The following SORCS2 variants were observed in gnomAD, a reference collection of about 807,000 sequenced individuals.
SORCS2 encodes sortilin related VPS10 domain containing receptor 2.
In SORCS2, 100 loss-of-function variants were observed where a neutral mutation model predicts 141.6. The ratio of observed to expected loss-of-function variants is 0.71; its 90% CI spans 0.60 to 0.83. SORCS2 has a LOEUF of 0.83. SORCS2 is among the 40% of genes least tolerant of loss of function. The probability of loss-of-function intolerance (pLI) is 0.00; values close to 1 mark genes in which losing one functional copy is unlikely to be tolerated. For synonymous variants in SORCS2, 789 were observed against 676.9 expected, an observed-to-expected ratio of 1.17 and a Z score of -2.57; for missense variants, 1,646 against 1,560.2, an observed-to-expected ratio of 1.05 and a Z score of -0.93.
At position 7,708,151 on chromosome 4, in the gene SORCS2, G is replaced by A. The variant is rs59501765; in HGVS notation, c.1868+3867G>A. 5.8e-3 allele frequency among the ~76,000 whole-genome samples: 884 copies of A among 152,308 alleles called. 7 individuals carry two copies. Among genetic ancestry groups the A allele is most frequent in the African/African-American group, 0.02 (841 of 41,578 alleles). On this transcript the variant is annotated intron_variant, in intron 14 of 26. Coordinates refer to ENST00000507866, the MANE Select transcript of SORCS2 (RefSeq NM_020777.3). ...AGCATGGGGACTTAAACTCCACGAG[G>A]TCGCCGCAAATGAGCCCTCAACTGA...
At chr4:7,346,093 A>C (rs1282129118) in intron 1 of SORCS2, among the ~76,000 whole-genome samples, 1 of 151,994 alleles carries the variant, frequency 6.6e-6, no homozygotes, top group African/African-American at 2.4e-5. Flanking sequence ...CCTTTCTTCT[A>C]CTTACTCCAG....
At chr4:7,339,774 G>A (rs1302257646) in intron 1 of SORCS2, among the ~76,000 whole-genome samples, 2 of 152,214 alleles carry the variant, frequency 1.3e-5, no homozygotes, top group Non-Finnish European at 2.9e-5. Context: ...ATAAGAGGGA[G>A]AAAGCGAAGA....
intron 1 of SORCS2, among the ~76,000 whole-genome samples, chr4:7,304,124 G>T (rs542389875): frequency 1.3e-5 from 2 of 152,362 alleles, no homozygotes; most frequent in Non-Finnish European, 2.9e-5. Flanking sequence ...GGCATGTGTG[G>T]TCCCCACGCT....
At chr4:7,655,047 C>T (rs566497419) in intron 5 of SORCS2, among the ~76,000 whole-genome samples, 6 of 152,326 alleles carry the variant, frequency 3.9e-5, no homozygotes, top group East Asian at 3.9e-4. Context: ...GGGTCTTAGG[C>T]AGCAGCATGG....
At chr4:7,500,787 A>G (rs540478265) in intron 2 of SORCS2, among the ~76,000 whole-genome samples, 6 of 152,282 alleles carry the variant, frequency 3.9e-5, no homozygotes, top group African/African-American at 1.4e-4. Flanking sequence ...GAGGGCGGTA[A>G]CGAGTGGGAG....
intron 1 of SORCS2, among the ~76,000 whole-genome samples, chr4:7,239,976 G>A (rs1000941763): frequency 1.3e-5 from 2 of 152,204 alleles, no homozygotes; most frequent in Non-Finnish European, 2.9e-5. Context: ...GTGTCTCGTG[G>A]TGGCTTCTTG....
At chr4:7,416,118 A>G (rs1360815582) in intron 2 of SORCS2, among the ~76,000 whole-genome samples, 1 of 152,132 alleles carries the variant, frequency 6.6e-6, no homozygotes. Context: ...TGGATTAAGG[A>G]GGCCTCATGT....
chr4:7,574,259 G>A (rs1025010645), intron 3 of SORCS2, among the ~76,000 whole-genome samples: 24 of 152,218 alleles, frequency 1.6e-4, no homozygotes, highest in African/African-American at 2.4e-5. Context: ...CGAGGGTGTG[G>A]TCCCTTCTCC....
At chr4:7,556,712 C>T (rs1475939917) in intron 3 of SORCS2, among the ~76,000 whole-genome samples, 1 of 151,494 alleles carries the variant, frequency 6.6e-6, no homozygotes, top group Non-Finnish European at 1.5e-5. Flanking sequence ...ACCCATCCAC[C>T]ATTCATCCAC....
intron 3 of SORCS2, among the ~76,000 whole-genome samples, chr4:7,594,646 A>C (rs1717140427): frequency 6.6e-6 from 1 of 151,884 alleles, no homozygotes; most frequent in African/African-American, 2.4e-5. Flanking sequence ...GAAGCCCCTA[A>C]TTTACAGTGT....
At chr4:7,574,631 AGAAGGGAG>A (rs1158482923) in intron 3 of SORCS2, among the ~76,000 whole-genome samples, 1 of 151,362 alleles carries the variant, frequency 6.6e-6, no homozygotes, top group Non-Finnish European at 1.5e-5. Flanking sequence ...AAGGAAGGAG[AGAAGGGAG>A]GAAGGGAGGG....
intron 1 of SORCS2, among the ~76,000 whole-genome samples, chr4:7,288,037 G>A (rs1157161776): frequency 2.0e-5 from 3 of 152,206 alleles, no homozygotes; most frequent in Non-Finnish European, 2.9e-5. Context: ...GGCAGGAGGC[G>A]TCCTGAAAGC....
chr4:7,272,256 C>T (rs192693515), intron 1 of SORCS2, among the ~76,000 whole-genome samples: 50 of 152,298 alleles, frequency 3.3e-4, no homozygotes, highest in African/African-American at 1.2e-3. Flanking sequence ...AAAGAGGCGC[C>T]ATCTTTGCTT....
intron 3 of SORCS2, among the ~76,000 whole-genome samples, chr4:7,562,950 G>A (rs1352816656): frequency 1.3e-5 from 2 of 152,212 alleles, no homozygotes; most frequent in Non-Finnish European, 2.9e-5. Flanking sequence ...TATCTGCAAA[G>A]TCTCTATTCC....
rs543387477 is a variant in SORCS2, at chr4:7,384,114, C to T, written c.481-12174C>T. Among the ~76,000 whole-genome samples, 9 of 152,306 alleles carry T rather than the reference C, an allele frequency of 5.9e-5. No homozygotes were observed. The East Asian group carries it at 1.4e-3, about 23-fold the overall frequency. On this transcript the variant is annotated intron_variant, in intron 1 of 26. Coordinates refer to ENST00000507866, the MANE Select transcript of SORCS2 (RefSeq NM_020777.3). ...TGTGCATGAAGGGCCTTCTTCCTCC[C>T]ACAGTCCCTGCAGAGGCCCTTGGTG...
chr4:7,386,096 T>G (rs1188956552), intron 1 of SORCS2, among the ~76,000 whole-genome samples: 1 of 152,062 alleles, frequency 6.6e-6, no homozygotes, highest in Non-Finnish European at 1.5e-5. Flanking sequence ...TATGCACACA[T>G]GCACACACAC....
intron 1 of SORCS2, among the ~76,000 whole-genome samples, chr4:7,208,808 T>C (rs1298935471): frequency 6.6e-6 from 1 of 152,224 alleles, no homozygotes; most frequent in African/African-American, 2.4e-5. Flanking sequence ...CGGGCCCTGG[T>C]CCGAGTCTTC....
At position 7,648,188 on chromosome 4, in the gene SORCS2, AGAGGAG is replaced by A. The variant is rs56241745; in HGVS notation, c.814-5925_814-5920del. Among the ~76,000 whole-genome samples, 15,879 of 150,282 alleles carry A rather than the reference AGAGGAG, an allele frequency of 0.11. 1,129 individuals are homozygous for A. The highest frequency in any genetic ancestry group is 0.19 in the Middle Eastern group (56 of 292). Reference sequence around the variant, plus strand: ...GAGGGAGGCCATTTACTGAGACCGCAGAGGAGGAGGAGGAGGAGGAGGAGGAAGACA... The same window carrying A: ...GAGGGAGGCCATTTACTGAGACCGCAGAGGAGGAGGAGGAGGAGGAAGACA... On this transcript the variant is annotated intron_variant, in intron 4 of 26. Transcript: ENST00000507866. The surrounding 1 kb of genome is among the most constrained non-coding windows in gnomAD (Gnocchi z 4.2).
At chr4:7,577,269 A>C (rs1314752229) in intron 3 of SORCS2, among the ~76,000 whole-genome samples, 1 of 152,248 alleles carries the variant, frequency 6.6e-6, no homozygotes. Context: ...TCTCAGCACC[A>C]GTTCCCTGGT....
Sources: allele counts gnomAD v4.1 joint callset (sites outside exome capture counted in the v4.1 genomes callset), GRCh38; gene constraint gnomAD v4.1.1; non-coding constraint Gnocchi (gnomAD v3.1); transcripts MANE v1.5; gene names NCBI Gene and HGNC (gene_info 2026-07-23, HGNC 2026-07-21).